CLSTN2: variants seen among roughly 807,000 people sequenced by gnomAD.
CLSTN2 encodes calsyntenin-2.
In CLSTN2, 48 loss-of-function variants were observed where a neutral mutation model predicts 101.2. The ratio of observed to expected loss-of-function variants is 0.47; its 90% CI spans 0.38 to 0.60. CLSTN2 has a LOEUF of 0.60. Among genes scored for constraint, CLSTN2 ranks in the 20% least tolerant of loss-of-function variants. The probability of loss-of-function intolerance (pLI) is 0.00; values close to 1 mark genes in which losing one functional copy is unlikely to be tolerated. For missense variants in CLSTN2, 1,160 were observed against 1,238.2 expected (o/e 0.94, Z 0.95); for synonymous variants, 481 against 463.6 (o/e 1.04, Z -0.48).
chr3:140,252,232 G>A (rs150932853), intron 2 of CLSTN2, among the ~76,000 whole-genome samples: 60 of 152,350 alleles, frequency 3.9e-4, no homozygotes, highest in Admixed American at 8.5e-4. Context: ...TTAGGCTAGT[G>A]ATATGAGACC....
intron 1 of CLSTN2, among the ~76,000 whole-genome samples, chr3:140,042,365 C>A (rs1012762619): frequency 1.3e-5 from 2 of 152,100 alleles, no homozygotes; most frequent in African/African-American, 2.4e-5. Flanking sequence ...TCACTCAGTA[C>A]CGTGTTGTCA....
intron 2 of CLSTN2, among the ~76,000 whole-genome samples, chr3:140,310,978 C>T (rs2087161439): frequency 6.6e-6 from 1 of 152,108 alleles, no homozygotes; most frequent in Non-Finnish European, 1.5e-5. Flanking sequence ...GCATCCCAGG[C>T]CGAAGGAACG....
chr3:140,454,463 A>T (rs1933345022), intron 6 of CLSTN2: 2 of 152,172 alleles, frequency 1.3e-5, no homozygotes, highest in Non-Finnish European at 1.5e-5. Flanking sequence ...ATAGTGTGTG[A>T]GCTCCTGAAA....
intron 10 of CLSTN2, among the ~76,000 whole-genome samples, chr3:140,556,143 G>A (rs1310184923): frequency 6.6e-6 from 1 of 152,214 alleles, no homozygotes; most frequent in Non-Finnish European, 1.5e-5. Context: ...AGCAAAAGGA[G>A]TGAAAACGCA....
Position 140,109,037 on chromosome 3 carries a change from G to A in CLSTN2, c.110-66914G>A, listed in dbSNP as rs114703589. 1.9e-3 allele frequency among the ~76,000 whole-genome samples: 293 copies of A among 152,302 alleles called. 2 individuals are homozygous for A. The highest frequency in any genetic ancestry group is 7.0e-3 in the African/African-American group (289 of 41,552). Reference sequence around the variant, plus strand: ...CAAGCAAGGCAGCTATGAAGTGGAAGAGCTTGGATTTGAACAAAAGAGACT... The same window carrying A: ...CAAGCAAGGCAGCTATGAAGTGGAAAAGCTTGGATTTGAACAAAAGAGACT... On this transcript the variant is annotated intron_variant, in intron 1 of 16. Transcript: ENST00000458420.
At chr3:140,494,905 A>C (rs1299868990) in intron 8 of CLSTN2, among the ~76,000 whole-genome samples, 1 of 152,210 alleles carries the variant, frequency 6.6e-6, no homozygotes, top group Non-Finnish European at 1.5e-5. Flanking sequence ...GCTATTGTGA[A>C]TAGTGCTGCA....
At chr3:140,305,705 T>C (rs894560292) in intron 2 of CLSTN2, among the ~76,000 whole-genome samples, 3 of 152,122 alleles carry the variant, frequency 2.0e-5, no homozygotes, top group African/African-American at 7.2e-5. Flanking sequence ...TGTGCAGCCA[T>C]GGAAATTCAG....
At chr3:140,315,891 G>C (rs1213687483) in intron 2 of CLSTN2, among the ~76,000 whole-genome samples, 2 of 152,192 alleles carry the variant, frequency 1.3e-5, no homozygotes, top group African/African-American at 4.8e-5. Context: ...AAGGTGGAGC[G>C]TGTGTGGCCT....
chr3:139,984,972 C>T (rs1009743437), intron 1 of CLSTN2, among the ~76,000 whole-genome samples: 1 of 152,162 alleles, frequency 6.6e-6, no homozygotes, highest in African/African-American at 2.4e-5. Context: ...TTACTTATTA[C>T]TTGCAATCCA....
intron 8 of CLSTN2, chr3:140,506,146 A>G (rs949630614): frequency 1.3e-5 from 2 of 152,058 alleles, no homozygotes; most frequent in African/African-American, 4.8e-5. Flanking sequence ...TTGTGTAATC[A>G]CTCTCTGCTA....
At position 140,290,677 on chromosome 3, in the gene CLSTN2, C is replaced by T. The variant is rs138077377; in HGVS notation, c.233-112952C>T. 4.2e-3 allele frequency among the ~76,000 whole-genome samples: 642 copies of T among 152,324 alleles called. 7 individuals carry two copies. Among genetic ancestry groups the T allele is most frequent in the African/African-American group, 0.015 (605 of 41,564 alleles). ...GCGATCCTCCAGAGTCCTGGTTGAC[C>T]GCTAGCTTTGGAGCATAGAATGGAT... On this transcript the variant is annotated intron_variant, in intron 2 of 16. Coordinates refer to ENST00000458420, the MANE Select transcript of CLSTN2 (RefSeq NM_022131.3).
intron 2 of CLSTN2, among the ~76,000 whole-genome samples, chr3:140,302,651 A>G (rs974885199): frequency 3.3e-5 from 5 of 152,240 alleles, no homozygotes; most frequent in Non-Finnish European, 7.3e-5. Flanking sequence ...TTTATTGAGT[A>G]CCTGCCATGT....
At chr3:140,376,388 CGGA>C (rs978255060) in intron 2 of CLSTN2, among the ~76,000 whole-genome samples, 10 of 152,198 alleles carry the variant, frequency 6.6e-5, no homozygotes, top group Non-Finnish European at 1.5e-4. Flanking sequence ...GTGATGGAGA[CGGA>C]TGGAATGGAG....
chr3:140,283,340 G>A (rs185910728), intron 2 of CLSTN2, among the ~76,000 whole-genome samples: 41 of 152,176 alleles, frequency 2.7e-4, no homozygotes, highest in Admixed American at 1.0e-3. Context: ...GGCCAAAGTC[G>A]TACTTTTTCA....
At chr3:139,976,641 G>T (rs1935823751) in intron 1 of CLSTN2, among the ~76,000 whole-genome samples, 1 of 152,104 alleles carries the variant, frequency 6.6e-6, no homozygotes, top group South Asian at 2.1e-4. Flanking sequence ...CACTCAGCAG[G>T]GATAGCTGGG....
intron 1 of CLSTN2, among the ~76,000 whole-genome samples, chr3:140,115,834 G>A (rs562533125): frequency 2.2e-4 from 34 of 152,312 alleles, no homozygotes; most frequent in African/African-American, 7.2e-4. Context: ...GAAATAAAAA[G>A]TAGCTTCCTA....
At chr3:140,224,532 A>G (rs2086302416) in intron 2 of CLSTN2, among the ~76,000 whole-genome samples, 1 of 152,200 alleles carries the variant, frequency 6.6e-6, no homozygotes, top group Non-Finnish European at 1.5e-5. Flanking sequence ...CTTTATAGAC[A>G]TGAAGCAAGC....
At chr3:140,343,292 A>C (rs945336601) in intron 2 of CLSTN2, among the ~76,000 whole-genome samples, 1 of 152,188 alleles carries the variant, frequency 6.6e-6, no homozygotes, top group Non-Finnish European at 1.5e-5. Context: ...TGTTAGGTAC[A>C]TTCCCTCTGA....
At chr3:140,147,739 A>C (rs2009801688) in intron 1 of CLSTN2, among the ~76,000 whole-genome samples, 1 of 152,164 alleles carries the variant, frequency 6.6e-6, no homozygotes, top group Non-Finnish European at 1.5e-5. Context: ...TTCTACCCTC[A>C]GGGAGCTCTA....
Sources: allele counts gnomAD v4.1 joint callset (sites outside exome capture counted in the v4.1 genomes callset), GRCh38; gene constraint gnomAD v4.1.1; transcripts MANE v1.5; gene names NCBI Gene and HGNC (gene_info 2026-07-23, HGNC 2026-07-21).